Variants in LARGE1 observed in about 807,000 individuals in gnomAD.
LARGE1 encodes xylosyl- and glucuronyltransferase LARGE1.
A neutral mutation model predicts 87.6 loss-of-function variants in LARGE1; 43 were observed. The ratio of observed to expected loss-of-function variants is 0.49; its 90% CI spans 0.38 to 0.63. The LOEUF is 0.63. Ranked by LOEUF, LARGE1 falls within the 30% of genes least tolerant of loss-of-function variation. The pLI is 0.00. For synonymous variants in LARGE1, 434 were observed against 394.6 expected, an observed-to-expected ratio of 1.10 and a Z score of -1.18; for missense variants, 802 against 1,000.2, an observed-to-expected ratio of 0.80 and a Z score of 2.67.
the LARGE1 span, among the ~76,000 whole-genome samples, chr22:33,092,318 C>A: frequency 6.6e-6 from 1 of 151,974 alleles, no homozygotes; most frequent in Non-Finnish European, 1.5e-5. Flanking sequence ...GCAGGTCCAG[C>A]TCCTCAGAGG....
At chr22:33,538,108 T>C (rs1023244808) in intron 6 of LARGE1, among the ~76,000 whole-genome samples, 2 of 152,162 alleles carry the variant, frequency 1.3e-5, no homozygotes, top group Admixed American at 6.5e-5. Context: ...CATGCCTCCA[T>C]GCCTTTTCCA....
intron 5 of LARGE1, among the ~76,000 whole-genome samples, chr22:33,593,241 C>A (rs1424437613): frequency 1.3e-5 from 2 of 152,002 alleles, no homozygotes; most frequent in Middle Eastern, 3.4e-3. Context: ...CGGGGTTTCG[C>A]CATGTTGCCC....
At chr22:33,753,621 C>G (rs989736784) in intron 2 of LARGE1, among the ~76,000 whole-genome samples, 1 of 152,172 alleles carries the variant, frequency 6.6e-6, no homozygotes, top group African/African-American at 2.4e-5. Flanking sequence ...TTGGGACTCA[C>G]GGCAACCACA....
intron 2 of LARGE1, chr22:33,747,659 C>A (rs1018581364): frequency 6.6e-6 from 1 of 152,300 alleles, no homozygotes; most frequent in Non-Finnish European, 1.5e-5. Context: ...TCATCTCTCT[C>A]CATCCACTAG....
chr22:33,683,628 G>C (rs1386278133), intron 2 of LARGE1, among the ~76,000 whole-genome samples: 1 of 152,136 alleles, frequency 6.6e-6, no homozygotes, highest in Non-Finnish European at 1.5e-5. Context: ...TGGTTAGGCA[G>C]GCAGGCAGAC....
the LARGE1 span, among the ~76,000 whole-genome samples, chr22:33,089,371 C>CCTCCTTCTT: frequency 3.9e-5 from 3 of 76,048 alleles, no homozygotes; most frequent in Non-Finnish European, 7.7e-5. Context: ...TTCTTCTTCT[C>CCTCCTTCTT]CTTCTTCTTC....
chr22:33,245,605 G>A (rs1383920479), intron 11 of LARGE1, among the ~76,000 whole-genome samples: 3 of 152,152 alleles, frequency 2.0e-5, no homozygotes, highest in East Asian at 1.9e-4. Flanking sequence ...TATTTCAAAC[G>A]TCTTTTGAAA....
the LARGE1 span, among the ~76,000 whole-genome samples, chr22:33,087,986 T>C: frequency 5.3e-5 from 8 of 152,000 alleles, no homozygotes; most frequent in East Asian, 5.8e-4. Flanking sequence ...AACATAATCA[T>C]AGATCAACTG....
At chr22:33,491,854 T>A (rs903617500) in intron 6 of LARGE1, among the ~76,000 whole-genome samples, 5 of 152,212 alleles carry the variant, frequency 3.3e-5, no homozygotes, top group African/African-American at 1.2e-4. Flanking sequence ...GTGGCTAAAT[T>A]ACTATGAAAT....
chr22:33,877,216 T>C (rs1430515761), intron 1 of LARGE1, among the ~76,000 whole-genome samples: 1 of 152,164 alleles, frequency 6.6e-6, no homozygotes, highest in East Asian at 1.9e-4. Context: ...AAGAATACCA[T>C]TTACTGAGGC....
chr22:33,353,326 G>A (rs80225868), intron 9 of LARGE1, among the ~76,000 whole-genome samples: 1,756 of 152,126 alleles, frequency 0.012, 20 homozygotes, highest in Middle Eastern at 0.041. Context: ...GTTAGAAGTT[G>A]CTTTAGAGAT....
intron 6 of LARGE1, among the ~76,000 whole-genome samples, chr22:33,450,811 C>T (rs1022332366): frequency 2.6e-5 from 4 of 152,106 alleles, no homozygotes; most frequent in African/African-American, 4.8e-5. Flanking sequence ...ACAAAACTGT[C>T]CTTATGAGCC....
chr22:33,187,223 A>G (rs1021370682), intron 11 of LARGE1, among the ~76,000 whole-genome samples: 2 of 152,360 alleles, frequency 1.3e-5, no homozygotes, highest in African/African-American at 4.8e-5. Context: ...ACAGTAGTCA[A>G]GATATGGAAT....
intron 5 of LARGE1, among the ~76,000 whole-genome samples, chr22:33,600,959 A>C (rs2079097860): frequency 6.6e-6 from 1 of 152,020 alleles, no homozygotes; most frequent in African/African-American, 2.4e-5. Context: ...CAGCTACTCT[A>C]CTCAGGAGGC....
At chr22:33,141,190 TCTCTCACACA>T in the LARGE1 span, among the ~76,000 whole-genome samples, 603 of 147,426 alleles carry the variant, frequency 4.1e-3, 3 homozygotes, top group African/African-American at 0.015. Flanking sequence ...TCTCTCTCTC[TCTCTCACACA>T]CACACACACA....
At chr22:33,159,583 A>AAT (rs1569443099), downstream of LARGE1, among the ~76,000 whole-genome samples, 6 of 143,548 alleles carry the variant, frequency 4.2e-5, no homozygotes, top group Non-Finnish European at 6.1e-5. Context: ...ATCAATTTAA[A>AAT]TTTTTTTTTT....
intron 2 of LARGE1, among the ~76,000 whole-genome samples, chr22:33,653,407 G>A (rs73168601): frequency 0.03 from 4,513 of 152,308 alleles, 100 homozygotes; most frequent in Non-Finnish European, 0.048. Flanking sequence ...AGACGCTCAG[G>A]AGACTGAGAG....
chr22:33,457,293 C>CTTTTTTTTT (rs759460321), intron 6 of LARGE1, among the ~76,000 whole-genome samples: 10 of 74,932 alleles, frequency 1.3e-4, no homozygotes, highest in African/African-American at 2.2e-4. Context: ...ACGCCTGGCT[C>CTTTTTTTTT]TTTTTTTTTT....
At chr22:33,711,058 CA>C (rs1224074867) in intron 2 of LARGE1, among the ~76,000 whole-genome samples, 11 of 152,204 alleles carry the variant, frequency 7.2e-5, no homozygotes, top group Admixed American at 5.9e-4. Flanking sequence ...AGATCCCAAG[CA>C]AGCAAGAGAG....
Sources: gnomAD v4.1 joint callset for allele counts (sites outside exome capture counted in the v4.1 genomes callset) on GRCh38, gnomAD v4.1.1 for gene constraint, MANE v1.5 for transcripts, NCBI Gene and HGNC (gene_info 2026-07-23, HGNC 2026-07-21) for gene names.